ENOX1: variants seen among roughly 807,000 people sequenced by gnomAD.
ENOX1 encodes the protein candidate growth-related and time keeping constitutive hydroquinone (NADH) oxidase.
Under a neutral mutation model 82.5 loss-of-function variants are expected in ENOX1, and 42 were observed. That is an observed-to-expected ratio of 0.51 (90% CI 0.40 to 0.66). ENOX1 has a LOEUF of 0.66. ENOX1 is among the 30% of genes least tolerant of loss of function. ENOX1 has a pLI of 0.00. For synonymous variants in ENOX1, 271 were observed against 282.2 expected, an observed-to-expected ratio of 0.96 and a Z score of 0.40; for missense variants, 608 against 811.6, an observed-to-expected ratio of 0.75 and a Z score of 3.05.
At position 43,531,183 on chromosome 13, in the gene ENOX1, A is replaced by T. The variant is rs1465909288; in HGVS notation, c.-218-47031T>A. ...GGTTTTATACTTTCCTTAAATTTTT[A>T]ATTTAAAAAGTTTTAATCTACAATG... On this transcript the variant is annotated intron_variant, in intron 2 of 16. Coordinates refer to ENST00000690772, the MANE Select transcript of ENOX1 (RefSeq NM_001347969.2). Among the ~76,000 whole-genome samples the T allele has an allele frequency of 3.3e-5, 5 of 152,242 alleles. 1 individual carries two copies. In the South Asian group the frequency reaches 8.3e-4, roughly 25 times the overall value.
chr13:43,346,116 T>G (rs1401014270), intron 8 of ENOX1, among the ~76,000 whole-genome samples: 5 of 152,166 alleles, frequency 3.3e-5, no homozygotes, highest in African/African-American at 9.7e-5. Context: ...CTTTGTAAAT[T>G]TATAGGGTGC....
chr13:43,460,718 C>T (rs543844376), intron 3 of ENOX1, among the ~76,000 whole-genome samples: 16 of 143,308 alleles, frequency 1.1e-4, no homozygotes, highest in African/African-American at 3.6e-4. Context: ...GGCGTGAACC[C>T]GGGAAGCGGA....
intron 15 of ENOX1, among the ~76,000 whole-genome samples, chr13:43,229,827 A>G (rs1181629318): frequency 6.6e-6 from 1 of 152,202 alleles, no homozygotes; most frequent in African/African-American, 2.4e-5. Context: ...TCACTTGAGC[A>G]ACTGGGTGGG....
At chr13:43,232,052 A>C (rs1441906128) in intron 15 of ENOX1, among the ~76,000 whole-genome samples, 1 of 150,508 alleles carries the variant, frequency 6.6e-6, no homozygotes. Context: ...CAGCCCCCCA[A>C]GTAGTTGGGA....
At chr13:43,570,660 G>A (rs149529542) in intron 2 of ENOX1, among the ~76,000 whole-genome samples, 145 of 152,192 alleles carry the variant, frequency 9.5e-4, no homozygotes, top group Admixed American at 1.8e-3. Flanking sequence ...GCAAAAGCCC[G>A]GGATAGAACA....
intron 9 of ENOX1, among the ~76,000 whole-genome samples, chr13:43,340,932 G>C (rs1474609229): frequency 6.6e-6 from 1 of 152,160 alleles, no homozygotes. Flanking sequence ...TGTGATGCCT[G>C]CTATAATAAC....
intron 12 of ENOX1, among the ~76,000 whole-genome samples, chr13:43,286,792 T>TCTATGTTAC (rs1211995542): frequency 6.6e-6 from 1 of 152,222 alleles, no homozygotes; most frequent in African/African-American, 2.4e-5. Flanking sequence ...AAAAGCTGCA[T>TCTATGTTAC]CTATGTTACT....
intron 2 of ENOX1, among the ~76,000 whole-genome samples, chr13:43,665,176 A>G (rs2084917750): frequency 6.6e-6 from 1 of 152,186 alleles, no homozygotes; most frequent in African/African-American, 2.4e-5. Context: ...TCCTAGGAGG[A>G]GATCTGACCC....
At chr13:43,360,176 A>G (rs1239134493) in intron 6 of ENOX1, 119 bp from the exon 7 acceptor site, 15 of 775,548 alleles carry the variant, frequency 1.9e-5, no homozygotes, top group African/African-American at 6.4e-5. Context: ...GTAAATTTCT[A>G]TGCCAACTTA....
At chr13:43,464,161 C>G (rs1433774352) in intron 3 of ENOX1, among the ~76,000 whole-genome samples, 1 of 152,036 alleles carries the variant, frequency 6.6e-6, no homozygotes, top group Non-Finnish European at 1.5e-5. Context: ...GGTGAGTAAG[C>G]TTGAGAATGG....
intron 3 of ENOX1, among the ~76,000 whole-genome samples, chr13:43,445,911 G>A (rs1161093053): frequency 6.6e-6 from 1 of 152,162 alleles, no homozygotes; most frequent in Non-Finnish European, 1.5e-5. Flanking sequence ...GAGTTCTGCA[G>A]GGTTTAATCA....
intron 2 of ENOX1, among the ~76,000 whole-genome samples, chr13:43,632,408 T>C (rs983919038): frequency 4.0e-5 from 6 of 151,768 alleles, no homozygotes; most frequent in East Asian, 1.9e-4. Flanking sequence ...GTATTATATA[T>C]ATAGCCTTAT....
chr13:43,383,861 T>C (rs1272492132), intron 5 of ENOX1, among the ~76,000 whole-genome samples: 1 of 152,196 alleles, frequency 6.6e-6, no homozygotes, highest in Non-Finnish European at 1.5e-5. Flanking sequence ...ACCCTGCAGG[T>C]TAATGACTCT....
At chr13:43,490,551 C>G (rs1211760009) in intron 2 of ENOX1, among the ~76,000 whole-genome samples, 1 of 152,082 alleles carries the variant, frequency 6.6e-6, no homozygotes, top group Non-Finnish European at 1.5e-5. Context: ...AGAAATTGGG[C>G]TTTTAAGAGG....
intron 7 of ENOX1, 48 bp from the exon 8 acceptor site, chr13:43,356,200 C>T (rs768155526): frequency 5.5e-5 from 86 of 1,574,772 alleles, no homozygotes; most frequent in Middle Eastern, 1.7e-4. Flanking sequence ...ACAATGGCCA[C>T]AGTTTTGGTC....
intron 1 of ENOX1, among the ~76,000 whole-genome samples, chr13:43,725,510 G>T (rs1473858662): frequency 1.3e-5 from 2 of 152,026 alleles, no homozygotes; most frequent in Non-Finnish European, 1.5e-5. Context: ...CCGAGACAAG[G>T]ACAAGAGCTG....
chr13:43,293,054 C>T (rs1477060643), intron 12 of ENOX1, among the ~76,000 whole-genome samples: 2 of 151,904 alleles, frequency 1.3e-5, no homozygotes, highest in Non-Finnish European at 2.9e-5. Flanking sequence ...ACCATCACAG[C>T]CACCAACACA....
At chr13:43,440,302 A>C (rs2056290990) in intron 3 of ENOX1, among the ~76,000 whole-genome samples, 1 of 152,224 alleles carries the variant, frequency 6.6e-6, no homozygotes, top group Non-Finnish European at 1.5e-5. Flanking sequence ...TGAGAAACTT[A>C]GAGGGTCTTT....
intron 1 of ENOX1, among the ~76,000 whole-genome samples, chr13:43,693,753 G>C (rs556328375): frequency 6.6e-6 from 1 of 152,230 alleles, no homozygotes; most frequent in African/African-American, 2.4e-5. Flanking sequence ...GTTCTCATAT[G>C]AACAATAATC....
Sources: gnomAD v4.1 joint callset for allele counts (sites outside exome capture counted in the v4.1 genomes callset) on GRCh38, gnomAD v4.1.1 for gene constraint, MANE v1.5 for transcripts, NCBI Gene and HGNC (gene_info 2026-07-23, HGNC 2026-07-21) for gene names.